Variants in FKBP15 observed in about 807,000 individuals in gnomAD.
The protein encoded by FKBP15 is FK506-binding protein 15.
In FKBP15, 106 loss-of-function variants were observed where a neutral mutation model predicts 158.1. The ratio of observed to expected loss-of-function variants is 0.67; its 90% CI spans 0.57 to 0.79. FKBP15 has a LOEUF of 0.79. Among genes scored for constraint, FKBP15 ranks in the 30% least tolerant of loss-of-function variants. The pLI, the probability that FKBP15 is intolerant of heterozygous loss-of-function variation, is 0.00. For synonymous variants in FKBP15, 547 were observed against 548.6 expected (o/e 1.00, Z 0.04); for missense variants, 1,287 against 1,479.1 (o/e 0.87, Z 2.13).
chr9:113,186,514 G>A, intron 14 of FKBP15, 151 bp from the exon 15 acceptor site: 1 of 624,644 alleles, frequency 1.6e-6, no homozygotes, highest in Non-Finnish European at 2.9e-6. Context: ...TTTGGCAGTT[G>A]GTAAGGACTG....
chr9:113,182,712 A>G, intron 19 of FKBP15, 54 bp downstream of exon 19: 7 of 1,440,460 alleles, frequency 4.9e-6, no homozygotes, highest in South Asian at 2.3e-5. Flanking sequence ...ACATGGGACC[A>G]TTCCTTAGCT....
At chr9:113,199,451 A>G (rs1282391592) in intron 7 of FKBP15, among the ~76,000 whole-genome samples, 1 of 152,238 alleles carries the variant, frequency 6.6e-6, no homozygotes, top group Non-Finnish European at 1.5e-5. Context: ...TACAGTATCT[A>G]CTATAAGAAA....
At position 113,169,954 on chromosome 9, in the gene FKBP15, C is replaced by T. The variant is rs755174798; in HGVS notation, c.2767-12G>A. ...TGAAGAGTCACCATCTATTCAAAAGCCAAGGAAGAGATGGTCACTGAAAGG... is the reference window on the plus strand; with the variant it reads ...TGAAGAGTCACCATCTATTCAAAAGTCAAGGAAGAGATGGTCACTGAAAGG... On this transcript the variant is annotated splice_polypyrimidine_tract_variant and intron_variant, in intron 25 of 27. Transcript: ENST00000238256. 1 of 1,527,182 alleles carries T rather than the reference C, an allele frequency of 6.5e-7. No homozygotes were observed. The highest frequency in any genetic ancestry group is 8.8e-7 in the Non-Finnish European group (1 of 1,139,780). The allele number at this position is 1,527,182 out of a possible 1,614,324, so 94.6% of individuals were successfully genotyped here.
rs1404896181 is a variant in FKBP15, at chr9:113,164,776, C to G, written c.*1302G>C. Reference sequence around the variant, plus strand: ...ACTTTGGGCAAATTACTTTACCTCTCTAAGTCTCAGTTTTCTCCTCTATAA... The same window carrying G: ...ACTTTGGGCAAATTACTTTACCTCTGTAAGTCTCAGTTTTCTCCTCTATAA... On this transcript the variant is annotated 3_prime_UTR_variant, in exon 28 of 28. Coordinates refer to ENST00000238256, the MANE Select transcript of FKBP15 (RefSeq NM_015258.2). 6.6e-6 allele frequency: 1 copy of G among 152,340 alleles called. No individual in the cohort carries two copies. The highest frequency in any genetic ancestry group is 2.1e-4 in the South Asian group (1 of 4,830). 9.4% of individuals were successfully genotyped at this position (152,340 alleles called of 1,614,324 possible). A position where few individuals can be genotyped will look rare whatever the true frequency, so the allele number is the denominator to read the frequency against.
In FKBP15 at chr9:113,184,821, C is replaced by A. The variant is rs1421954977; in HGVS notation, c.1499-17G>T. 1 of 1,562,714 alleles carries A rather than the reference C, an allele frequency of 6.4e-7. No individual in the cohort carries two copies. The highest frequency in any genetic ancestry group is 1.9e-5 in the Admixed American group (1 of 53,136). On this transcript the variant is annotated splice_polypyrimidine_tract_variant and intron_variant, in intron 15 of 27. Coordinates refer to ENST00000238256, the MANE Select transcript of FKBP15 (RefSeq NM_015258.2). This position sits in a 1 kb window ranked among gnomAD's most constrained non-coding sequence, Gnocchi z 4.5. ...CACCTGATCCTAAACAGATACAAGC[C>A]AAAAAGAAACTTATGAAACTGGAGC... is the stretch of plus-strand genomic sequence containing the variant.
At chr9:113,187,511 C>T (rs1412955705) in intron 14 of FKBP15, 2 of 370,806 alleles carry the variant, frequency 5.4e-6, no homozygotes, top group Non-Finnish European at 1.0e-5. Context: ...CACGCTTCAA[C>T]TGGATATGTG....
intron 11 of FKBP15, among the ~76,000 whole-genome samples, chr9:113,190,885 G>A (rs1341543028): frequency 1.3e-5 from 2 of 152,176 alleles, no homozygotes; most frequent in African/African-American, 4.8e-5. Flanking sequence ...AAAAATTAAA[G>A]TGAGATGTTA....
chr9:113,188,183 C>A (rs1416943323), intron 13 of FKBP15, among the ~76,000 whole-genome samples: 1 of 152,194 alleles, frequency 6.6e-6, no homozygotes, highest in East Asian at 1.9e-4. Flanking sequence ...GACAGTGCAA[C>A]ACAGCAGAAG....
Position 113,184,620 on chromosome 9 carries a change from G to T in FKBP15, c.1608+75C>A. On this transcript the variant is annotated intron_variant, in intron 16 of 27. Transcript: ENST00000238256. The surrounding 1 kb of genome is among the most constrained non-coding windows in gnomAD (Gnocchi z 4.5). ...ACTACCAATGCAGGAAATCAAAGAAGAGTTTACCTACAGTTCTGGCTGCTC... is the reference window on the plus strand; with the variant it reads ...ACTACCAATGCAGGAAATCAAAGAATAGTTTACCTACAGTTCTGGCTGCTC... 8.3e-7 allele frequency: 1 copy of T among 1,202,554 alleles called. No individual in the cohort carries two copies. 74.5% of individuals were successfully genotyped at this position (1,202,554 alleles called of 1,614,324 possible). A position where few individuals can be genotyped will look rare whatever the true frequency, so the allele number is the denominator to read the frequency against.
Position 113,211,534 on chromosome 9 carries a change from A to G in FKBP15, c.112T>C (p.Phe38Leu), listed in dbSNP as rs151187548. The G allele has an allele frequency of 6.9e-5, 111 of 1,609,350 alleles. 1 individual carries two copies. The East Asian group carries it at 2.1e-3, about 30-fold the overall frequency. ...DQAAAGHGNEFFQYTAPKQPK... is the reference protein window; with the variant it reads ...DQAAAGHGNELFQYTAPKQPK... ...TGTTTTGGGGCTGTGTACTGGAAAA[A>G]TTCATTTCCATGGCCAGCAGCTGCC... The change falls in exon 2 of 28, where the codon TTT becomes CTT. Residue 38 changes from phenylalanine to leucine, a missense_variant. Phe to Leu is a conservative substitution (Grantham distance 22). Coordinates refer to ENST00000238256, the MANE Select transcript of FKBP15 (RefSeq NM_015258.2).
In FKBP15 at chr9:113,161,542, T is replaced by G; in HGVS notation, c.*4536A>C. ...CTTTCGGTGTTGGTGCTCCTGCTTC[T>G]GGCTGTACTGTATGAAGGCATCAAG... On this transcript the variant is annotated 3_prime_UTR_variant, in exon 28 of 28. Coordinates refer to ENST00000238256, the MANE Select transcript of FKBP15 (RefSeq NM_015258.2). 1.2e-6 allele frequency: 2 copies of G among 1,614,030 alleles called. No individual in the cohort carries two copies. Among genetic ancestry groups the G allele is most frequent in the East Asian group, 2.2e-5 (1 of 44,888 alleles).
rs1289037967 is a variant in FKBP15 at position 113,175,041 on chromosome 9, C to T, written c.2224-458G>A. 8.0e-4 allele frequency among the ~76,000 whole-genome samples: 3 copies of T among 3,742 alleles called. 1 individual carries two copies. Among genetic ancestry groups the T allele is most frequent in the Non-Finnish European group, 1.5e-3 (3 of 2,008 alleles). The allele number at this position is 3,742 out of a possible 152,430, so 2.5% of individuals were successfully genotyped here. A position where few individuals can be genotyped will look rare whatever the true frequency, so the allele number is the denominator to read the frequency against. Reference sequence around the variant, plus strand: ...TCCCGCCACTGCACTCCATCCTGGGCGACAGAGCGAGACTCCGCCTCAGAA... The same window carrying T: ...TCCCGCCACTGCACTCCATCCTGGGTGACAGAGCGAGACTCCGCCTCAGAA... On this transcript the variant is annotated intron_variant, in intron 21 of 27. Coordinates refer to ENST00000238256, the MANE Select transcript of FKBP15 (RefSeq NM_015258.2).
chr9:113,207,401 G>T, intron 2 of FKBP15, 105 bp from the exon 3 acceptor site: 2 of 768,556 alleles, frequency 2.6e-6, no homozygotes, highest in South Asian at 3.3e-5. Flanking sequence ...GTGCAGTGGC[G>T]TGATCTCGGT....
intron 11 of FKBP15, among the ~76,000 whole-genome samples, chr9:113,192,468 A>G (rs557840037): frequency 2.9e-4 from 44 of 152,300 alleles, no homozygotes; most frequent in African/African-American, 1.0e-3. Context: ...CCAGCAGCAA[A>G]CTACCATATG....
At position 113,198,964 on chromosome 9, in the gene FKBP15, A is replaced by G; in HGVS notation, c.649-41T>C. The G allele has an allele frequency of 3.0e-6, 4 of 1,344,404 alleles. No individual in the cohort carries two copies. Among genetic ancestry groups the G allele is most frequent in the Non-Finnish European group, 4.2e-6 (4 of 954,952 alleles). The allele number at this position is 1,344,404 out of a possible 1,614,324, so 83.3% of individuals were successfully genotyped here. ...AGGAAATTAGGCCAGCCAATTTCAA[A>G]AATAATAATAACCATTATGATATTC... On this transcript the variant is annotated intron_variant, in intron 7 of 27. Coordinates refer to ENST00000238256, the MANE Select transcript of FKBP15 (RefSeq NM_015258.2). This position sits in a 1 kb window ranked among gnomAD's most constrained non-coding sequence, Gnocchi z 5.2.
intron 13 of FKBP15, 29 bp downstream of exon 13, chr9:113,188,360 G>A (rs1347196325): frequency 1.9e-6 from 3 of 1,551,232 alleles, no homozygotes; most frequent in African/African-American, 1.4e-5. Context: ...CCCAGTTCAA[G>A]GCCACAGAGC....
chr9:113,194,696 T>C (rs917990438), intron 9 of FKBP15, among the ~76,000 whole-genome samples: 3 of 152,216 alleles, frequency 2.0e-5, no homozygotes, highest in African/African-American at 4.8e-5. Flanking sequence ...CCTGTTTTGC[T>C]CACTCACTGA....
rs371261823 is a variant in FKBP15, at chr9:113,168,060, C to T, written c.3582+400G>A. On this transcript the variant is annotated intron_variant, in intron 27 of 27. Coordinates refer to ENST00000238256, the MANE Select transcript of FKBP15 (RefSeq NM_015258.2). ...TTGGGTAAATCATCATTTTGAGCCTCAGGTTTTTTATCTATGAATAAGGAT... is the reference window on the plus strand; with the variant it reads ...TTGGGTAAATCATCATTTTGAGCCTTAGGTTTTTTATCTATGAATAAGGAT... Among the ~76,000 whole-genome samples, 297 of 152,256 alleles carry T rather than the reference C, an allele frequency of 2.0e-3. 2 individuals carry two copies. The highest frequency in any genetic ancestry group is 6.7e-3 in the African/African-American group (279 of 41,548).
At position 113,169,406 on chromosome 9, in the gene FKBP15, G is replaced by T. The variant is rs764142393; in HGVS notation, c.3303C>A (p.Asp1101Glu). 1 of 1,614,040 alleles carries T rather than the reference G, an allele frequency of 6.2e-7. No individual in the cohort carries two copies. Among genetic ancestry groups the T allele is most frequent in the Admixed American group, 1.7e-5 (1 of 60,034 alleles). Reference sequence around the variant, plus strand: ...AGGCCAGTGGGTCCCCCTCCTCGGGGTCTGAAGTCAGGGACAGTCTTGTGG... The same window carrying T: ...AGGCCAGTGGGTCCCCCTCCTCGGGTTCTGAAGTCAGGGACAGTCTTGTGG... Reference protein sequence around the residue: ...ESSTRLSLTSDPEEGDPLALG... With the variant: ...ESSTRLSLTSEPEEGDPLALG... Residue 1101 changes from aspartate to glutamate, a missense_variant, in exon 26 of 28, where the codon GAC becomes GAA. By Grantham distance (45) the Asp-to-Glu change is conservative. Transcript: ENST00000238256.
Sources: allele counts gnomAD v4.1 joint callset (sites outside exome capture counted in the v4.1 genomes callset), GRCh38; gene constraint gnomAD v4.1.1; non-coding constraint Gnocchi (gnomAD v3.1); transcripts MANE v1.5; gene names NCBI Gene and HGNC (gene_info 2026-07-23, HGNC 2026-07-21).